Variants in BCL2L13 observed in about 807,000 individuals in gnomAD.
BCL2L13 encodes bcl-2-like protein 13.
In BCL2L13, 13 loss-of-function variants were observed where a neutral mutation model predicts 25.8. The ratio of observed to expected loss-of-function variants is 0.50; its 90% CI spans 0.33 to 0.80. The LOEUF is 0.80. Among genes scored for constraint, BCL2L13 ranks in the 30% least tolerant of loss-of-function variants. The probability of loss-of-function intolerance (pLI) is 0.02; values close to 1 mark genes in which losing one functional copy is unlikely to be tolerated. For missense variants in BCL2L13, 504 were observed against 574.9 expected (o/e 0.88, Z 1.26); for synonymous variants, 244 against 230.3 (o/e 1.06, Z -0.54).
At chr22:17,688,750 G>A (rs777241063) in intron 3 of BCL2L13, among the ~76,000 whole-genome samples, 6 of 150,326 alleles carry the variant, frequency 4.0e-5, no homozygotes, top group African/African-American at 7.3e-5. Flanking sequence ...CTTTTATAGC[G>A]CAACTTTTGA....
chr22:17,642,905 TG>T (rs1217148573), intron 1 of BCL2L13, among the ~76,000 whole-genome samples: 1 of 151,932 alleles, frequency 6.6e-6, no homozygotes, highest in African/African-American at 2.4e-5. Flanking sequence ...TCTGTAATGC[TG>T]CTTTGAGCAT....
intron 2 of BCL2L13, among the ~76,000 whole-genome samples, chr22:17,658,257 G>A: frequency 6.6e-6 from 1 of 152,100 alleles, no homozygotes; most frequent in Non-Finnish European, 1.5e-5. Flanking sequence ...ACTGGCAAAT[G>A]TGAAAGAATA....
At chr22:17,675,225 A>G (rs1216484940) in intron 2 of BCL2L13, among the ~76,000 whole-genome samples, 1 of 152,166 alleles carries the variant, frequency 6.6e-6, no homozygotes, top group Admixed American at 6.6e-5. Flanking sequence ...TAAGAGCTTT[A>G]TAACATAGGA....
At chr22:17,693,332 A>AGTTTATTTATTT (rs1555888765) in intron 4 of BCL2L13, among the ~76,000 whole-genome samples, 1 of 130,356 alleles carries the variant, frequency 7.7e-6, no homozygotes, top group East Asian at 2.2e-4. Context: ...CCTTTGGGGT[A>AGTTTATTTATTT]GTTTATTTAT....
intron 5 of BCL2L13, among the ~76,000 whole-genome samples, chr22:17,697,788 A>C (rs939271609): frequency 6.6e-6 from 1 of 152,142 alleles, no homozygotes; most frequent in African/African-American, 2.4e-5. Flanking sequence ...GAATAAGAGA[A>C]AATATTCTCT....
At chr22:17,671,731 CAG>C (rs1323902684) in intron 2 of BCL2L13, among the ~76,000 whole-genome samples, 7 of 152,208 alleles carry the variant, frequency 4.6e-5, no homozygotes, top group Non-Finnish European at 5.9e-5. Flanking sequence ...CTTTTTCAGA[CAG>C]AGTCTCACAC....
rs561947961 is a variant in BCL2L13, at chr22:17,640,929, C to T, written c.-51+2043C>T. 1.4e-3 allele frequency among the ~76,000 whole-genome samples: 207 copies of T among 149,268 alleles called. 2 individuals carry two copies. The highest frequency in any genetic ancestry group is 4.8e-3 in the African/African-American group (197 of 40,664). On this transcript the variant is annotated intron_variant, in intron 1 of 6. Transcript: ENST00000317582. Reference sequence around the variant, plus strand: ...TTTTTGAGGCGGAGTGTCGCTCTGTCGCCCAGGCTGGAGTGCAATGACACG... The same window carrying T: ...TTTTTGAGGCGGAGTGTCGCTCTGTTGCCCAGGCTGGAGTGCAATGACACG...
intron 2 of BCL2L13, 141 bp downstream of exon 2, chr22:17,655,973 T>C (rs2058841439): frequency 1.2e-6 from 1 of 821,844 alleles, no homozygotes; most frequent in Non-Finnish European, 1.7e-6. Flanking sequence ...CTGGGCGCGG[T>C]GGCTCACACC....
chr22:17,631,668 G>GTA (rs869084263), intron 1 of BCL2L13, among the ~76,000 whole-genome samples: 12 of 21,850 alleles, frequency 5.5e-4, no homozygotes, highest in African/African-American at 1.5e-3. Flanking sequence ...ATGTGTGTGT[G>GTA]TGTATATATA....
chr22:17,723,747 A>G (rs977875160), intron 6 of BCL2L13, among the ~76,000 whole-genome samples: 1 of 152,144 alleles, frequency 6.6e-6, no homozygotes, highest in Non-Finnish European at 1.5e-5. Context: ...ATCCTGGCCA[A>G]CATGGTGAAA....
At chr22:17,632,250 C>T (rs1035545533) in intron 1 of BCL2L13, among the ~76,000 whole-genome samples, 2 of 151,970 alleles carry the variant, frequency 1.3e-5, no homozygotes, top group African/African-American at 2.4e-5. Flanking sequence ...TGTACTAGTG[C>T]ACAGTGTTCC....
At chr22:17,662,395 G>A (rs997830961) in intron 2 of BCL2L13, among the ~76,000 whole-genome samples, 38 of 152,052 alleles carry the variant, frequency 2.5e-4, no homozygotes, top group African/African-American at 7.2e-4. Flanking sequence ...GGAGAATGGC[G>A]TGAACCCGGG....
intron 6 of BCL2L13, among the ~76,000 whole-genome samples, chr22:17,718,123 G>GAGGGA (rs1175847690): frequency 6.7e-5 from 10 of 149,556 alleles, no homozygotes; most frequent in Non-Finnish European, 1.0e-4. Flanking sequence ...AACAGGAGGG[G>GAGGGA]AGGGAAGGGG....
chr22:17,687,851 C>A (rs1437601744), intron 3 of BCL2L13, among the ~76,000 whole-genome samples: 15 of 118,404 alleles, frequency 1.3e-4, no homozygotes, highest in Admixed American at 3.2e-4. Flanking sequence ...GAGTTTCACT[C>A]TTGTTGCCCA....
intron 1 of BCL2L13, among the ~76,000 whole-genome samples, chr22:17,651,099 A>G (rs1225534713): frequency 6.8e-6 from 1 of 146,966 alleles, no homozygotes; most frequent in Non-Finnish European, 1.5e-5. Context: ...GTCCCGGTTC[A>G]AGCAATTCTC....
intron 6 of BCL2L13, chr22:17,703,317 ATCTT>A (rs2060495929): frequency 6.6e-6 from 1 of 152,216 alleles, no homozygotes; most frequent in South Asian, 2.1e-4. Flanking sequence ...CGTATTTTAA[ATCTT>A]TCAGTCATTT....
At chr22:17,667,783 A>G (rs1478485781) in intron 2 of BCL2L13, among the ~76,000 whole-genome samples, 2 of 152,206 alleles carry the variant, frequency 1.3e-5, no homozygotes, top group Non-Finnish European at 2.9e-5. Context: ...TGTTGGGATT[A>G]CAGGCGTGAG....
intron 4 of BCL2L13, among the ~76,000 whole-genome samples, chr22:17,694,281 G>A (rs565392380): frequency 6.6e-6 from 1 of 151,740 alleles, no homozygotes; most frequent in Admixed American, 6.5e-5. Flanking sequence ...ATGAGTGAGT[G>A]TTGTTAATGA....
chr22:17,653,495 A>ATTTTTTT (rs34652783), intron 1 of BCL2L13, among the ~76,000 whole-genome samples: 1 of 110,722 alleles, frequency 9.0e-6, no homozygotes, highest in Non-Finnish European at 1.8e-5. Context: ...CTCCAGTATG[A>ATTTTTTT]TTTTTTTTTT....
Sources: allele counts gnomAD v4.1 joint callset (sites outside exome capture counted in the v4.1 genomes callset), GRCh38; gene constraint gnomAD v4.1.1; transcripts MANE v1.5; gene names NCBI Gene and HGNC (gene_info 2026-07-23, HGNC 2026-07-21).